Variants in MVB12B observed in about 807,000 individuals in gnomAD.
The protein encoded by MVB12B is multivesicular body subunit 12B, also known as ESCRT-I complex subunit MVB12B.
MVB12B carries 16 observed loss-of-function variants against 41.6 expected under a neutral mutation model. The observed-to-expected ratio is 0.38, with a 90% CI of 0.26 to 0.58. The LOEUF (loss-of-function observed/expected upper bound fraction) is 0.58. MVB12B is among the 20% of genes least tolerant of loss of function. MVB12B has a pLI of 0.62. For missense variants in MVB12B, 274 were observed against 380.2 expected (o/e 0.72, Z 2.32); for synonymous variants, 133 against 139.7 (o/e 0.95, Z 0.34).
At chr9:126,425,956 C>T (rs1268862498) in intron 7 of MVB12B, among the ~76,000 whole-genome samples, 1 of 151,994 alleles carries the variant, frequency 6.6e-6, no homozygotes, top group Non-Finnish European at 1.5e-5. Flanking sequence ...ACATGCAAGC[C>T]AAGGATGGTT....
chr9:126,467,002 A>AT lies in MVB12B; in HGVS notation c.758-14356dup, dbSNP rs764535097. On this transcript the variant is annotated intron_variant, in intron 7 of 9. Coordinates refer to ENST00000361171, the MANE Select transcript of MVB12B (RefSeq NM_033446.3). ...GCCACCATGCCCGGCTAATTTTTGG[A>AT]TTTTTTTTTTTAGTAGAGACAGGGT... is the stretch of plus-strand genomic sequence containing the variant. 4.6e-3 allele frequency among the ~76,000 whole-genome samples: 666 copies of AT among 145,936 alleles called. 10 individuals are homozygous for AT. In the East Asian group the frequency reaches 0.047, roughly 10 times the overall value.
chr9:126,418,962 C>T (rs1350791634), intron 6 of MVB12B, among the ~76,000 whole-genome samples: 1 of 152,172 alleles, frequency 6.6e-6, no homozygotes, highest in Non-Finnish European at 1.5e-5. Context: ...CCTGCCTGTC[C>T]TGCCACCACT....
chr9:126,370,129 A>G (rs1281345713), intron 2 of MVB12B, among the ~76,000 whole-genome samples: 3 of 152,168 alleles, frequency 2.0e-5, no homozygotes, highest in Admixed American at 6.5e-5. Flanking sequence ...ACTATAAACA[A>G]TGTTGTAAAT....
rs750595794 is a variant in MVB12B at position 126,386,140 on chromosome 9, G to A, written c.313-422G>A. On this transcript the variant is annotated intron_variant, in intron 3 of 9. Transcript: ENST00000361171. This position sits in a 1 kb window ranked among gnomAD's most constrained non-coding sequence, Gnocchi z 4.3. ...CTGGTGATCACTTAGGAGAGTGATT[G>A]GTTCCCTGTTAGGTTTAGATGCAGC... Among the ~76,000 whole-genome samples the A allele has an allele frequency of 1.3e-5, 2 of 152,182 alleles. No individual in the cohort carries two copies. Among genetic ancestry groups the A allele is most frequent in the African/African-American group, 4.8e-5 (2 of 41,436 alleles).
chr9:126,327,567 A>G (rs1829017024), intron 1 of MVB12B, among the ~76,000 whole-genome samples: 1 of 152,082 alleles, frequency 6.6e-6, no homozygotes, highest in Non-Finnish European at 1.5e-5. Flanking sequence ...ATCCAGGAAC[A>G]TGGTGGGCAC....
At chr9:126,410,288 A>G (rs1478242782) in intron 6 of MVB12B, among the ~76,000 whole-genome samples, 2 of 152,164 alleles carry the variant, frequency 1.3e-5, no homozygotes, top group Non-Finnish European at 2.9e-5. Context: ...GGCTTCCTGA[A>G]TGGAAAATGA....
chr9:126,461,697 T>C (rs1185533248), intron 7 of MVB12B, among the ~76,000 whole-genome samples: 1 of 151,764 alleles, frequency 6.6e-6, no homozygotes, highest in Non-Finnish European at 1.5e-5. Context: ...CACAAAGTAA[T>C]AGACGTGGAG....
chr9:126,378,630 GTCTCTCTC>G (rs147449615), intron 2 of MVB12B, among the ~76,000 whole-genome samples: 4 of 147,402 alleles, frequency 2.7e-5, no homozygotes, highest in Middle Eastern at 3.6e-3. Context: ...TCTCTTCTCT[GTCTCTCTC>G]TCTCTCTCTC....
At chr9:126,369,616 G>A (rs933268413) in intron 2 of MVB12B, among the ~76,000 whole-genome samples, 3 of 151,874 alleles carry the variant, frequency 2.0e-5, no homozygotes, top group African/African-American at 4.8e-5. Context: ...TGGGATATAC[G>A]TCACACTTAT....
rs1286533466 is a variant in MVB12B, at chr9:126,506,724, G to A, written c.*3461G>A. The stretch of plus-strand genomic sequence containing the variant: ...TGGTTCGCAGCCTGCCTTGCCCCTG[G>A]AGGCCACGCCAGGCGCTCACCCCTG... On this transcript the variant is annotated 3_prime_UTR_variant, in exon 10 of 10. Coordinates refer to ENST00000361171, the MANE Select transcript of MVB12B (RefSeq NM_033446.3). The A allele has an allele frequency of 6.6e-6, 1 of 152,224 alleles. No individual in the cohort carries two copies. The highest frequency in any genetic ancestry group is 1.5e-5 in the Non-Finnish European group (1 of 68,052). 9.4% of individuals were successfully genotyped at this position (152,224 alleles called of 1,614,324 possible).
In MVB12B at chr9:126,395,910, G is replaced by T; in HGVS notation, c.662+213G>T. ...GGCCATTCTATAGTCTATTTTGTGC[G>T]TGTTCTGCAGGCTTCTAAAATTGCA... On this transcript the variant is annotated intron_variant, in intron 6 of 9. Transcript: ENST00000361171. This position sits in a 1 kb window ranked among gnomAD's most constrained non-coding sequence, Gnocchi z 4.9. 1.5e-6 allele frequency: 2 copies of T among 1,365,584 alleles called. No homozygotes were observed. Among genetic ancestry groups the T allele is most frequent in the Non-Finnish European group, 1.9e-6 (2 of 1,062,636 alleles). The allele number at this position is 1,365,584 out of a possible 1,614,324, so 84.6% of individuals were successfully genotyped here.
chr9:126,437,082 G>T (rs1463802828), intron 7 of MVB12B, among the ~76,000 whole-genome samples: 1 of 152,122 alleles, frequency 6.6e-6, no homozygotes, highest in African/African-American at 2.4e-5. Context: ...TCCAGCTCTG[G>T]AGCTGAGCTG....
Position 126,480,138 on chromosome 9 carries a change from G to A in MVB12B, c.758-1231G>A, listed in dbSNP as rs1021450942. Among the ~76,000 whole-genome samples, 8 of 152,280 alleles carry A rather than the reference G, an allele frequency of 5.3e-5. No homozygotes were observed. The East Asian group carries it at 1.4e-3, about 26-fold the overall frequency. ...ACCTTGCTTCCATTGTGCTCACTCCGTTTCTCCCTGAAACCACAATTTACT... is the reference window on the plus strand; with the variant it reads ...ACCTTGCTTCCATTGTGCTCACTCCATTTCTCCCTGAAACCACAATTTACT... On this transcript the variant is annotated intron_variant, in intron 7 of 9. Coordinates refer to ENST00000361171, the MANE Select transcript of MVB12B (RefSeq NM_033446.3). The surrounding 1 kb of genome is among the most constrained non-coding windows in gnomAD (Gnocchi z 4.9).
Position 126,340,560 on chromosome 9 carries a change from C to T in MVB12B, c.134C>T (p.Thr45Met), listed in dbSNP as rs1047398433. ...GACCTCTCAGAAGCCTTGCCAGAAA[C>T]GTCAATGGATCCCATCACGGGAGTC... ...VKDLSEALPETSMDPITGVGV... is the reference protein window; with the variant it reads ...VKDLSEALPEMSMDPITGVGV... Residue 45 changes from threonine to methionine, a missense_variant, in exon 2 of 10, where the codon ACG becomes ATG. Coordinates refer to ENST00000361171, the MANE Select transcript of MVB12B (RefSeq NM_033446.3). The surrounding 1 kb of genome is among the most constrained non-coding windows in gnomAD (Gnocchi z 4.0). The T allele has an allele frequency of 3.1e-6, 5 of 1,614,178 alleles. No individual in the cohort carries two copies. Among genetic ancestry groups the T allele is most frequent in the Non-Finnish European group, 3.4e-6 (4 of 1,179,992 alleles).
intron 1 of MVB12B, chr9:126,327,236 G>A: frequency 1.0e-6 from 1 of 984,812 alleles, no homozygotes; most frequent in Non-Finnish European, 1.2e-6. Context: ...TCGGCCTGGC[G>A]GCGAGAGGCG....
chr9:126,374,261 C>T (rs1422445303), intron 2 of MVB12B, among the ~76,000 whole-genome samples: 2 of 152,248 alleles, frequency 1.3e-5, no homozygotes, highest in African/African-American at 4.8e-5. Flanking sequence ...ACCCTAGGGT[C>T]TTCACAGTAA....
At chr9:126,363,797 T>C (rs1830091007) in intron 2 of MVB12B, among the ~76,000 whole-genome samples, 1 of 152,166 alleles carries the variant, frequency 6.6e-6, no homozygotes, top group South Asian at 2.1e-4. Context: ...GCTGTGCCCA[T>C]CCTTGCCTCT....
chr9:126,403,868 T>G (rs1003432859), intron 6 of MVB12B, among the ~76,000 whole-genome samples: 2 of 151,882 alleles, frequency 1.3e-5, no homozygotes, highest in Admixed American at 1.3e-4. Context: ...CTTCCATCCG[T>G]CCATCCATCC....
At chr9:126,410,141 TTGTGTGTG>T (rs3222493) in intron 6 of MVB12B, among the ~76,000 whole-genome samples, 86 of 148,576 alleles carry the variant, frequency 5.8e-4, no homozygotes, top group African/African-American at 1.2e-3. Flanking sequence ...TGATTTGGTT[TTGTGTGTG>T]TGTGTGTGTG....
Sources: allele counts gnomAD v4.1 joint callset (sites outside exome capture counted in the v4.1 genomes callset), GRCh38; gene constraint gnomAD v4.1.1; non-coding constraint Gnocchi (gnomAD v3.1); transcripts MANE v1.5; gene names NCBI Gene and HGNC (gene_info 2026-07-23, HGNC 2026-07-21).